The following DHCR24 variants were observed in gnomAD, a reference collection of about 807,000 sequenced individuals.
DHCR24 encodes the protein delta(24)-sterol reductase.
A neutral mutation model predicts 61.2 loss-of-function variants in DHCR24; 28 were observed. That is an observed-to-expected ratio of 0.46 (90% CI 0.34 to 0.63). DHCR24 has a LOEUF of 0.63. Among genes scored for constraint, DHCR24 ranks in the 20% least tolerant of loss-of-function variants. The pLI is 0.01. For synonymous variants in DHCR24, 261 were observed against 275.9 expected (o/e 0.95, Z 0.54); for missense variants, 538 against 679.1 (o/e 0.79, Z 2.31).
chr1:54,854,868 C>T (rs1358644798), intron 6 of DHCR24, among the ~76,000 whole-genome samples: 2 of 152,162 alleles, frequency 1.3e-5, no homozygotes, highest in East Asian at 1.9e-4. Context: ...TTCTCTTCCA[C>T]GCCTCAGACT....
chr1:54,857,007 C>A (rs1646911390), intron 6 of DHCR24, among the ~76,000 whole-genome samples: 1 of 147,978 alleles, frequency 6.8e-6, no homozygotes, highest in Non-Finnish European at 1.5e-5. Context: ...CTGTATCACA[C>A]TGTGATGTTT....
rs74606125 is a variant in DHCR24, at chr1:54,861,882, C to T, written c.1020+3421G>A. Among the ~76,000 whole-genome samples the T allele has an allele frequency of 8.3e-3, 1,258 of 152,318 alleles. 17 individuals carry two copies. The highest frequency in any genetic ancestry group is 0.028 in the African/African-American group (1,164 of 41,564). On this transcript the variant is annotated intron_variant, in intron 6 of 8. Transcript: ENST00000371269. Reference sequence around the variant, plus strand: ...TCTCTCCTCAAACCATCAAAATCCTCTCCCCTTTCATCTCAGCTGAAATCC... The same window carrying T: ...TCTCTCCTCAAACCATCAAAATCCTTTCCCCTTTCATCTCAGCTGAAATCC...
intron 6 of DHCR24, among the ~76,000 whole-genome samples, chr1:54,861,472 G>A (rs745697835): frequency 1.3e-5 from 2 of 151,980 alleles, no homozygotes; most frequent in East Asian, 1.9e-4. Flanking sequence ...CCTAGCTTAC[G>A]CCCTCTAGTC....
chr1:54,873,108 C>T (rs368270463), intron 4 of DHCR24, among the ~76,000 whole-genome samples: 2 of 152,264 alleles, frequency 1.3e-5, no homozygotes, highest in East Asian at 3.8e-4. Context: ...TTTTCTAAAA[C>T]ATCCTCTCTA....
chr1:54,862,633 C>A (rs1269676910), intron 6 of DHCR24, among the ~76,000 whole-genome samples: 1 of 152,194 alleles, frequency 6.6e-6, no homozygotes, highest in Non-Finnish European at 1.5e-5. Flanking sequence ...GAAAACATTT[C>A]TCTGTGGCTG....
chr1:54,854,361 C>CCAAAGAGGGGAA, intron 6 of DHCR24, 127 bp from the exon 7 acceptor site: 1 of 758,368 alleles, frequency 1.3e-6, no homozygotes, highest in Non-Finnish European at 2.2e-6. Context: ...CAATTCCCCT[C>CCAAAGAGGGGAA]TTTGGAGGGG....
intron 6 of DHCR24, among the ~76,000 whole-genome samples, chr1:54,856,691 G>C (rs1250848618): frequency 6.6e-6 from 1 of 152,066 alleles, no homozygotes; most frequent in Non-Finnish European, 1.5e-5. Context: ...CAGACATTTA[G>C]ATTATTTCCA....
chr1:54,873,413 C>G (rs6686859), intron 4 of DHCR24, among the ~76,000 whole-genome samples: 1 of 152,018 alleles, frequency 6.6e-6, no homozygotes, highest in Non-Finnish European at 1.5e-5. Flanking sequence ...ATTCACTACA[C>G]TACACTTTTA....
intron 6 of DHCR24, among the ~76,000 whole-genome samples, chr1:54,856,788 T>C (rs1406957751): frequency 1.3e-5 from 2 of 152,254 alleles, no homozygotes; most frequent in Non-Finnish European, 2.9e-5. Context: ...AGTGGAAGAT[T>C]TTGGCTTAAA....
At chr1:54,859,164 T>C (rs1646922735) in intron 6 of DHCR24, among the ~76,000 whole-genome samples, 1 of 152,160 alleles carries the variant, frequency 6.6e-6, no homozygotes, top group Non-Finnish European at 1.5e-5. Context: ...AGCTGCTTTG[T>C]CATGAGGTCA....
In DHCR24 at chr1:54,871,579, C is replaced by G; in HGVS notation, c.647G>C (p.Trp216Ser). The G allele has an allele frequency of 6.2e-7, 1 of 1,614,202 alleles. No homozygotes were observed. The highest frequency in any genetic ancestry group is 1.1e-5 in the South Asian group (1 of 91,082). Residue 216 changes from tryptophan to serine, a missense_variant, in exon 5 of 9, where the codon TGG becomes TCG. Transcript: ENST00000371269. ...CAGGAAACCCAGCGTCCCACAGGAC[C>G]AGGGTACGGCATAGAACAGGTCTGA... Reference protein sequence around the residue: ...ENSDLFYAVPWSCGTLGFLVA... With the variant: ...ENSDLFYAVPSSCGTLGFLVA...
At chr1:54,854,685 T>G (rs1454982601) in intron 6 of DHCR24, among the ~76,000 whole-genome samples, 3 of 152,204 alleles carry the variant, frequency 2.0e-5, no homozygotes, top group Admixed American at 2.0e-4. Context: ...CTTAGAGAAT[T>G]TAAGCAGTCT....
At chr1:54,855,551 A>T (rs2101556975) in intron 6 of DHCR24, among the ~76,000 whole-genome samples, 1 of 152,274 alleles carries the variant, frequency 6.6e-6, no homozygotes, top group South Asian at 2.1e-4. Flanking sequence ...TGAGTGTGGG[A>T]AGAGTGGGGA....
intron 1 of DHCR24, among the ~76,000 whole-genome samples, chr1:54,884,317 T>C (rs1647080858): frequency 2.0e-5 from 3 of 152,186 alleles, no homozygotes; most frequent in Admixed American, 6.5e-5. Flanking sequence ...GATGGAGTTG[T>C]GGTAACAGTT....
At chr1:54,853,980 G>A (rs889491462) in intron 7 of DHCR24, 57 bp downstream of exon 7, 39 of 1,523,280 alleles carry the variant, frequency 2.6e-5, no homozygotes, top group Non-Finnish European at 3.5e-5. Context: ...CAGGGGAGGA[G>A]ACCATGGATT....
At chr1:54,886,358 C>A (rs1007147484) in intron 1 of DHCR24, among the ~76,000 whole-genome samples, 2 of 152,206 alleles carry the variant, frequency 1.3e-5, no homozygotes. Context: ...TAAACCCAAT[C>A]AAAAGCGTCT....
Position 54,865,351 on chromosome 1 carries a change from C to T in DHCR24, c.972G>A (p.Leu324=), listed in dbSNP as rs370282939. The T allele has an allele frequency of 1.9e-5, 30 of 1,613,962 alleles. No homozygotes were observed. The highest frequency in any genetic ancestry group is 2.3e-5 in the Non-Finnish European group (27 of 1,180,014). ...GCGTGTGGCGGTGGTAGTAGTGTCT[C>T]AAGGGAATGTACTCCAGGCCCTCTC... ...TNREGLEYIP[L]RHYYHRHTRS... is the part of the protein sequence containing the mutation. The change falls in exon 6 of 9, where the codon TTG becomes TTA. Residue 324 remains leucine, a synonymous_variant. Transcript: ENST00000371269.
rs761199129 is a variant in DHCR24, at chr1:54,883,687, C to T, written c.318G>A (p.Lys106=). 96 of 1,614,098 alleles carry T rather than the reference C, an allele frequency of 5.9e-5. No individual in the cohort carries two copies. Among genetic ancestry groups the T allele is most frequent in the Non-Finnish European group, 2.5e-6 (3 of 1,180,054 alleles). Residue 106 remains lysine, a synonymous_variant, in exon 2 of 9, where the codon AAG becomes AAA. Coordinates refer to ENST00000371269, the MANE Select transcript of DHCR24 (RefSeq NM_014762.4). The surrounding 1 kb of genome is among the most constrained non-coding windows in gnomAD (Gnocchi z 4.3). ...GWLTVSLRVG[K]YKKTHKNIMI... is the part of the protein sequence containing the mutation. Reference sequence around the variant, plus strand: ...TGATGTTTTTGTGTGTCTTCTTGTACTTCCCGACACGTAGTGAGACAGTGA... The same window carrying T: ...TGATGTTTTTGTGTGTCTTCTTGTATTTCCCGACACGTAGTGAGACAGTGA...
chr1:54,863,224 A>C (rs1197411576), intron 6 of DHCR24, among the ~76,000 whole-genome samples: 2 of 152,050 alleles, frequency 1.3e-5, no homozygotes, highest in Non-Finnish European at 2.9e-5. Flanking sequence ...GCTGCTGCCC[A>C]GACAACAGTA....
Sources: allele counts gnomAD v4.1 joint callset (sites outside exome capture counted in the v4.1 genomes callset), GRCh38; gene constraint gnomAD v4.1.1; non-coding constraint Gnocchi (gnomAD v3.1); transcripts MANE v1.5; gene names NCBI Gene and HGNC (gene_info 2026-07-23, HGNC 2026-07-21).